CSNK2A2IP: variants seen among roughly 807,000 people sequenced by gnomAD.
CSNK2A2IP encodes the protein casein kinase II subunit alpha'-interacting protein.
chr3:88,434,283 G>A, the CSNK2A2IP span, among the ~76,000 whole-genome samples: 86 of 152,086 alleles, frequency 5.7e-4, no homozygotes, highest in African/African-American at 2.0e-3. Flanking sequence ...AGGGTATTAT[G>A]GTGTATTAGT....
chr3:88,466,965 T>C, the CSNK2A2IP span: 1 of 1,231,164 alleles, frequency 8.1e-7, no homozygotes. Flanking sequence ...TCCCATTCCC[T>C]ATGAAAGAAA....
the CSNK2A2IP span, among the ~76,000 whole-genome samples, chr3:88,441,915 T>G: frequency 6.6e-6 from 1 of 152,148 alleles, no homozygotes; most frequent in African/African-American, 2.4e-5. Context: ...GATAGAGATC[T>G]GGTGAAAAAG....
chr3:88,376,034 C>T, the CSNK2A2IP span, among the ~76,000 whole-genome samples: 1 of 151,794 alleles, frequency 6.6e-6, no homozygotes, highest in South Asian at 2.1e-4. Flanking sequence ...CTTCCCTTCC[C>T]TCCCTGGCTG....
the CSNK2A2IP span, among the ~76,000 whole-genome samples, chr3:88,344,620 C>A: frequency 6.6e-6 from 1 of 151,860 alleles, no homozygotes; most frequent in African/African-American, 2.4e-5. Context: ...TGTAGTTAAC[C>A]TATTAATATA....
At chr3:88,350,484 G>T in the CSNK2A2IP span, among the ~76,000 whole-genome samples, 1 of 151,824 alleles carries the variant, frequency 6.6e-6, no homozygotes, top group Admixed American at 6.6e-5. Flanking sequence ...ATGGGAAGGG[G>T]GAGAAAAGAT....
chr3:88,459,536 T>G, the CSNK2A2IP span, among the ~76,000 whole-genome samples: 1 of 152,084 alleles, frequency 6.6e-6, no homozygotes, highest in Non-Finnish European at 1.5e-5. Context: ...TCTCATTTTT[T>G]ATTCTTGTTT....
the CSNK2A2IP span, among the ~76,000 whole-genome samples, chr3:88,406,352 C>T: frequency 6.6e-6 from 1 of 152,082 alleles, no homozygotes; most frequent in Non-Finnish European, 1.5e-5. Flanking sequence ...TCAATGAGTA[C>T]AATTCAGTTA....
At chr3:88,409,970 G>C in the CSNK2A2IP span, among the ~76,000 whole-genome samples, 1 of 151,984 alleles carries the variant, frequency 6.6e-6, no homozygotes, top group East Asian at 1.9e-4. Context: ...TAAGGCCATT[G>C]TCTGTGCCTG....
the CSNK2A2IP span, among the ~76,000 whole-genome samples, chr3:88,416,271 T>TAAA: frequency 2.5e-5 from 3 of 117,996 alleles, no homozygotes; most frequent in Non-Finnish European, 5.4e-5. Flanking sequence ...GACTCCCTAT[T>TAAA]AAAAAAAAAA....
At chr3:88,434,978 C>T in the CSNK2A2IP span, among the ~76,000 whole-genome samples, 54,736 of 151,970 alleles carry the variant, frequency 0.36, 11,115 homozygotes, top group Non-Finnish European at 0.47. Flanking sequence ...TTCACTCTCC[C>T]CTGCCCCCGC....
At chr3:88,416,165 G>A in the CSNK2A2IP span, among the ~76,000 whole-genome samples, 3 of 151,620 alleles carry the variant, frequency 2.0e-5, no homozygotes, top group African/African-American at 4.9e-5. Context: ...TAGCTACTCA[G>A]GAGGCTGAGG....
the CSNK2A2IP span, among the ~76,000 whole-genome samples, chr3:88,418,061 C>T: frequency 1.3e-5 from 2 of 152,026 alleles, no homozygotes. Flanking sequence ...TATGTCTGAA[C>T]ATTATGAGGA....
the CSNK2A2IP span, among the ~76,000 whole-genome samples, chr3:88,462,789 T>C: frequency 6.6e-6 from 1 of 152,176 alleles, no homozygotes; most frequent in Non-Finnish European, 1.5e-5. Flanking sequence ...AAATTTTTAT[T>C]GTTTTGTGTT....
At chr3:88,431,144 T>C in the CSNK2A2IP span, 1 of 152,158 alleles carries the variant, frequency 6.6e-6, no homozygotes, top group South Asian at 2.1e-4. Context: ...TAACAGCAAA[T>C]ACAGAAAGTT....
chr3:88,429,771 G>A, the CSNK2A2IP span, among the ~76,000 whole-genome samples: 123,327 of 151,968 alleles, frequency 0.81, 50,709 homozygotes, highest in Non-Finnish European at 0.88. Flanking sequence ...TTTGTTTTTT[G>A]AGACGGAGTC....
the CSNK2A2IP span, among the ~76,000 whole-genome samples, chr3:88,420,873 G>GA: frequency 6.6e-6 from 1 of 152,086 alleles, no homozygotes; most frequent in Non-Finnish European, 1.5e-5. Context: ...ATTTACATAG[G>GA]ATCTAACTCA....
At chr3:88,440,637 T>C in the CSNK2A2IP span, among the ~76,000 whole-genome samples, 1 of 152,220 alleles carries the variant, frequency 6.6e-6, no homozygotes, top group African/African-American at 2.4e-5. Context: ...TTTTCTTAAA[T>C]GTGTTTCATC....
At chr3:88,372,795 C>A in the CSNK2A2IP span, among the ~76,000 whole-genome samples, 1 of 151,150 alleles carries the variant, frequency 6.6e-6, no homozygotes, top group South Asian at 2.1e-4. Flanking sequence ...AATAGAAAAA[C>A]CATAATGTGC....
At chr3:88,445,192 G>A in the CSNK2A2IP span, among the ~76,000 whole-genome samples, 4 of 150,220 alleles carry the variant, frequency 2.7e-5, no homozygotes, top group Non-Finnish European at 5.9e-5. Flanking sequence ...ACTTTGGGAC[G>A]CTGAGGCGGG....
Sources: gnomAD v4.1 joint callset for allele counts (sites outside exome capture counted in the v4.1 genomes callset) on GRCh38, gnomAD v4.1.1 for gene constraint, MANE v1.5 for transcripts, NCBI Gene and HGNC (gene_info 2026-07-23, HGNC 2026-07-21) for gene names.